Variants in SKP1 observed in about 807,000 individuals in gnomAD.
SKP1 encodes the protein S-phase kinase associated protein 1.
Under a neutral mutation model 21.5 loss-of-function variants are expected in SKP1, and 1 was observed. The observed-to-expected ratio is 0.05, with a 90% CI of 0.02 to 0.22. The LOEUF is 0.22. Among genes scored for constraint, SKP1 ranks in the 10% least tolerant of loss-of-function variants. The pLI is 1.00. For missense variants in SKP1, 70 were observed against 192.0 expected (o/e 0.36, Z 3.76); for synonymous variants, 59 against 59.3 (o/e 0.99, Z 0.03).
intron 2 of SKP1, among the ~76,000 whole-genome samples, 183 bp from the exon 3 acceptor site, chr5:134,167,426 T>C (rs1379832475): frequency 1.3e-5 from 2 of 152,160 alleles, no homozygotes; most frequent in African/African-American, 2.4e-5. Context: ...GCACTAAACA[T>C]GTAGACTTGT....
rs915736529 is a variant in SKP1, at chr5:134,174,514, T to A, written c.1-492A>T. The A allele has an allele frequency of 6.2e-6, 6 of 973,766 alleles. No individual in the cohort carries two copies. In the South Asian group the frequency reaches 2.3e-4, roughly 38 times the overall value. The allele number at this position is 973,766 out of a possible 1,614,324, so 60.3% of individuals were successfully genotyped here. A position where few individuals can be genotyped will look rare whatever the true frequency, so the allele number is the denominator to read the frequency against. The stretch of plus-strand genomic sequence containing the variant: ...GTACATCAGAATATGCTCATTTATG[T>A]CTGAGGCAATGCAAGACCATATACA... On this transcript the variant is annotated intron_variant, in intron 1 of 5. Transcript: ENST00000353411.
rs1761163358 is a variant in SKP1 at position 134,158,668 on chromosome 5, C to A, written c.316-73G>T. Reference sequence around the variant, plus strand: ...CTAAATCCAAAGTTAATGATTGACACTCCGTATCTAATAAAGCTTAAAATG... The same window carrying A: ...CTAAATCCAAAGTTAATGATTGACAATCCGTATCTAATAAAGCTTAAAATG... On this transcript the variant is annotated intron_variant, in intron 4 of 5. Transcript: ENST00000353411. The A allele has an allele frequency of 2.4e-6, 3 of 1,236,990 alleles. No homozygotes were observed. The Admixed American group carries it at 5.1e-5, about 21-fold the overall frequency. The allele number at this position is 1,236,990 out of a possible 1,614,324, so 76.6% of individuals were successfully genotyped here.
Position 134,174,016 on chromosome 5 carries a change from A to T in SKP1, c.7T>A (p.Ser3Thr). The T allele has an allele frequency of 6.3e-7, 1 of 1,585,098 alleles. No individual in the cohort carries two copies. Among genetic ancestry groups the T allele is most frequent in the Non-Finnish European group, 8.7e-7 (1 of 1,154,616 alleles). The change falls in exon 2 of 6, where the codon TCA (serine) becomes ACA (threonine). Residue 3 changes from serine (S) to threonine (T), a missense_variant. Around this residue, in one of 4 missense-constraint regions of SKP1, gnomAD observed 21 missense variants for 23.4 expected, o/e 0.90. Transcript: ENST00000353411. ...CCATCAGAACTCTGCAACTTAATTG[A>T]AGGCATCTAAAAAAAAAGGACATTA... is the stretch of plus-strand genomic sequence containing the variant. Reference protein sequence around the residue: MPSIKLQSSDGEI... With the variant: MPTIKLQSSDGEI...
chr5:134,172,680 C>T (rs1217781973), intron 2 of SKP1, among the ~76,000 whole-genome samples: 1 of 151,570 alleles, frequency 6.6e-6, no homozygotes, highest in African/African-American at 2.4e-5. Flanking sequence ...TCCAAGAGTG[C>T]GAGAACAACC....
chr5:134,150,512 A>G lies in SKP1; in HGVS notation c.*7221T>C, dbSNP rs568825728. The G allele has an allele frequency of 5.3e-5, 8 of 152,372 alleles. No homozygotes were observed. The highest frequency in any genetic ancestry group is 1.2e-4 in the African/African-American group (5 of 41,594). 9.4% of individuals were successfully genotyped at this position (152,372 alleles called of 1,614,324 possible). On this transcript the variant is annotated 3_prime_UTR_variant, in exon 6 of 6. Coordinates refer to ENST00000353411, the MANE Select transcript of SKP1 (RefSeq NM_170679.3). The stretch of plus-strand genomic sequence containing the variant: ...CCATGTTAAACTACCTCTTAGGCCT[A>G]TATGTCAAAGTAGAATTTAAGACCC...
intron 3 of SKP1, among the ~76,000 whole-genome samples, chr5:134,164,472 A>T (rs1183461212): frequency 6.6e-6 from 1 of 151,906 alleles, no homozygotes; most frequent in Admixed American, 6.6e-5. Context: ...TTTCCATTTG[A>T]TGTATTTCTA....
intron 5 of SKP1, 163 bp downstream of exon 5, chr5:134,158,292 T>G: frequency 6.6e-7 from 1 of 1,509,856 alleles, no homozygotes; most frequent in Non-Finnish European, 8.8e-7. Flanking sequence ...GTGTTCAGAT[T>G]CATAAAGACA....
Position 134,151,703 on chromosome 5 carries a change from T to C in SKP1, c.*6030A>G, listed in dbSNP as rs1364013185. 1 of 456,228 alleles carries C rather than the reference T, an allele frequency of 2.2e-6. No individual in the cohort carries two copies. Among genetic ancestry groups the C allele is most frequent in the Non-Finnish European group, 4.4e-6 (1 of 226,922 alleles). The allele number at this position is 456,228 out of a possible 1,614,324, so 28.3% of individuals were successfully genotyped here. A position where few individuals can be genotyped will look rare whatever the true frequency, so the allele number is the denominator to read the frequency against. On this transcript the variant is annotated 3_prime_UTR_variant, in exon 6 of 6. Transcript: ENST00000353411. The stretch of plus-strand genomic sequence containing the variant: ...CAGAAGGTCGCAAGAACTACAGATG[T>C]GGAAGCAGACACTGTTATGAGCAAC...
chr5:134,175,204 A>G (rs931714701), intron 1 of SKP1: 49 of 152,346 alleles, frequency 3.2e-4, no homozygotes, highest in African/African-American at 1.1e-3. Context: ...ATTGTCGCCA[A>G]CCCCAAAGCA....
At position 134,149,828 on chromosome 5, in the gene SKP1, C is replaced by T. The variant is rs1761017023; in HGVS notation, c.*7905G>A. On this transcript the variant is annotated 3_prime_UTR_variant, in exon 6 of 6. Transcript: ENST00000353411. ...GTATTGGCGGGGAAGTCTTTGGCAA[C>T]TCTGTTTAAATCAGATCAGCTTTTT... is the stretch of plus-strand genomic sequence containing the variant. 6.6e-6 allele frequency: 1 copy of T among 151,350 alleles called. No individual in the cohort carries two copies. Among genetic ancestry groups the T allele is most frequent in the Admixed American group, 6.6e-5 (1 of 15,202 alleles). 9.4% of individuals were successfully genotyped at this position (151,350 alleles called of 1,614,324 possible).
chr5:134,164,254 G>T (rs1761284019), intron 3 of SKP1, among the ~76,000 whole-genome samples: 1 of 151,066 alleles, frequency 6.6e-6, no homozygotes, highest in African/African-American at 2.4e-5. Flanking sequence ...CGGAGGCAGA[G>T]GCTGCAGTGA....
rs1369498270 is a variant in SKP1, at chr5:134,162,635, C to G, written c.172-1505G>C. ...CTCCTGACCTCAGATGATCCACCCC[C>G]CTTGGCTTCCCAAAGTGCTGGGATT... On this transcript the variant is annotated intron_variant, in intron 3 of 5. Transcript: ENST00000353411. 5.9e-5 allele frequency among the ~76,000 whole-genome samples: 9 copies of G among 152,248 alleles called. No homozygotes were observed. The East Asian group carries it at 1.2e-3, about 20-fold the overall frequency.
intron 2 of SKP1, among the ~76,000 whole-genome samples, chr5:134,171,482 T>C (rs1230957144): frequency 6.6e-6 from 1 of 152,200 alleles, no homozygotes; most frequent in Non-Finnish European, 1.5e-5. Flanking sequence ...TCTACTTATC[T>C]CTAGCAGTCT....
chr5:134,172,302 T>G (rs1217995293), intron 2 of SKP1, among the ~76,000 whole-genome samples: 1 of 152,048 alleles, frequency 6.6e-6, no homozygotes, highest in East Asian at 1.9e-4. Context: ...ACATAACCCT[T>G]CTCTTCGTTC....
At chr5:134,158,827 C>T (rs971119336) in intron 4 of SKP1, among the ~76,000 whole-genome samples, 7 of 152,164 alleles carry the variant, frequency 4.6e-5, no homozygotes, top group Non-Finnish European at 1.5e-5. Context: ...TATACTAGCT[C>T]AAATGTGAAA....
Position 134,149,976 on chromosome 5 carries a change from GT to G in SKP1, c.*7756del, listed in dbSNP as rs1761020069. ...AAGTTCAACTGCTAATACCACACCA[GT>G]CCCCCTTCACTGCCAGCTGAGAACC... On this transcript the variant is annotated 3_prime_UTR_variant, in exon 6 of 6. Coordinates refer to ENST00000353411, the MANE Select transcript of SKP1 (RefSeq NM_170679.3). 6.6e-6 allele frequency: 1 copy of G among 152,042 alleles called. No individual in the cohort carries two copies. The highest frequency in any genetic ancestry group is 1.5e-5 in the Non-Finnish European group (1 of 68,036). The allele number at this position is 152,042 out of a possible 1,614,324, so 9.4% of individuals were successfully genotyped here.
At position 134,149,179 on chromosome 5, in the gene SKP1, G is replaced by GT. The variant is rs1463276166; in HGVS notation, c.*8553dup. The GT allele has an allele frequency of 5.3e-5, 8 of 152,204 alleles. No individual in the cohort carries two copies. Among genetic ancestry groups the GT allele is most frequent in the Non-Finnish European group, 8.8e-5 (6 of 68,048 alleles). 9.4% of individuals were successfully genotyped at this position (152,204 alleles called of 1,614,324 possible). A position where few individuals can be genotyped will look rare whatever the true frequency, so the allele number is the denominator to read the frequency against. On this transcript the variant is annotated 3_prime_UTR_variant, in exon 6 of 6. Coordinates refer to ENST00000353411, the MANE Select transcript of SKP1 (RefSeq NM_170679.3). Reference sequence around the variant, plus strand: ...CTCACCCAAACAGTGTACTGTGCACGTAAGTAGTGTACATTGTACTCAACA... The same window carrying GT: ...CTCACCCAAACAGTGTACTGTGCACGTTAAGTAGTGTACATTGTACTCAACA...
rs1761073007 is a variant in SKP1, at chr5:134,153,436, A to T, written c.*4297T>A. On this transcript the variant is annotated 3_prime_UTR_variant, in exon 6 of 6. Coordinates refer to ENST00000353411, the MANE Select transcript of SKP1 (RefSeq NM_170679.3). ...TTCGAGGCTGCAATGAGCTGTGATC[A>T]CATCACTGCACTCCAGCCTGGGGGG... 1 of 152,784 alleles carries T rather than the reference A, an allele frequency of 6.5e-6. No homozygotes were observed. Among genetic ancestry groups the T allele is most frequent in the South Asian group, 2.1e-4 (1 of 4,832 alleles). 9.5% of individuals were successfully genotyped at this position (152,784 alleles called of 1,614,324 possible).
At chr5:134,171,030 G>A (rs1761429192) in intron 2 of SKP1, 1 of 456,136 alleles carries the variant, frequency 2.2e-6, no homozygotes. Context: ...GGTACTTGAT[G>A]AACAGTGACT....
Sources: allele counts gnomAD v4.1 joint callset (sites outside exome capture counted in the v4.1 genomes callset), GRCh38; gene constraint gnomAD v4.1.1; regional missense constraint gnomAD v4.1.1; transcripts MANE v1.5; gene names NCBI Gene and HGNC (gene_info 2026-07-23, HGNC 2026-07-21).